FNDC3B: variants seen among roughly 807,000 people sequenced by gnomAD.
FNDC3B encodes the protein fibronectin type III domain-containing protein 3B.
FNDC3B carries 12 observed loss-of-function variants against 151.5 expected under a neutral mutation model. The observed-to-expected ratio is 0.08, with a 90% CI of 0.05 to 0.13. The LOEUF is 0.13. FNDC3B is among the 10% of genes least tolerant of loss of function. The pLI is 1.00. For missense variants in FNDC3B, 1,214 were observed against 1,505.3 expected (o/e 0.81, Z 3.20); for synonymous variants, 528 against 549.0 (o/e 0.96, Z 0.54).
At chr3:172,128,476 A>G (rs1295132847) in intron 2 of FNDC3B, among the ~76,000 whole-genome samples, 5 of 152,098 alleles carry the variant, frequency 3.3e-5, no homozygotes, top group African/African-American at 4.8e-5. Context: ...TCTATGGCAC[A>G]CAGACTGGGG....
Position 172,075,724 on chromosome 3 carries a change from AACACACACACACACAC to A in FNDC3B, c.-29+35981_-29+35996del, listed in dbSNP as rs57920659. ...ACATATTTTACATTGTAGCCCAGTA[AACACACACACACACAC>A]ACACACACACACACACACACACACA... is the stretch of plus-strand genomic sequence containing the variant. On this transcript the variant is annotated intron_variant, in intron 1 of 25. Transcript: ENST00000415807. Among the ~76,000 whole-genome samples, 267 of 146,956 alleles carry A rather than the reference AACACACACACACACAC, an allele frequency of 1.8e-3. 1 individual carries two copies. Among genetic ancestry groups the A allele is most frequent in the African/African-American group, 6.4e-3 (252 of 39,676 alleles).
At chr3:172,322,935 A>G (rs1400730378) in intron 11 of FNDC3B, among the ~76,000 whole-genome samples, 5 of 152,170 alleles carry the variant, frequency 3.3e-5, no homozygotes, top group Non-Finnish European at 7.3e-5. Context: ...GTTTATCTCC[A>G]GTTAATGTCT....
chr3:172,325,807 C>A (rs1257281760), intron 11 of FNDC3B, among the ~76,000 whole-genome samples: 1 of 152,116 alleles, frequency 6.6e-6, no homozygotes, highest in Non-Finnish European at 1.5e-5. Context: ...TAATTTTTTT[C>A]TTTCCAGATA....
intron 2 of FNDC3B, among the ~76,000 whole-genome samples, chr3:172,116,858 G>T (rs547805460): frequency 1.2e-4 from 18 of 152,168 alleles, no homozygotes; most frequent in African/African-American, 4.3e-4. Flanking sequence ...GAGCCACCAC[G>T]CCCGGTTCAC....
rs74966143 is a variant in FNDC3B, at chr3:172,312,006, G to A, written c.1254+1125G>A. Among the ~76,000 whole-genome samples, 1,273 of 152,304 alleles carry A rather than the reference G, an allele frequency of 8.4e-3. 20 individuals are homozygous for A. The highest frequency in any genetic ancestry group is 0.028 in the African/African-American group (1,184 of 41,556). On this transcript the variant is annotated intron_variant, in intron 11 of 25. Transcript: ENST00000415807. Reference sequence around the variant, plus strand: ...GCTAAGGATTTTAAGAATAAGAAATGTGGAATTTGGGGAGAAATGCAAGTT... The same window carrying A: ...GCTAAGGATTTTAAGAATAAGAAATATGGAATTTGGGGAGAAATGCAAGTT...
intron 1 of FNDC3B, among the ~76,000 whole-genome samples, chr3:172,054,540 C>G (rs951664577): frequency 6.6e-6 from 1 of 152,184 alleles, no homozygotes; most frequent in African/African-American, 2.4e-5. Flanking sequence ...GCCCCCAAGG[C>G]TGTATTGCCT....
intron 6 of FNDC3B, among the ~76,000 whole-genome samples, chr3:172,268,119 G>A (rs1576855832): frequency 6.6e-6 from 1 of 152,196 alleles, no homozygotes; most frequent in South Asian, 2.1e-4. Flanking sequence ...AGACATAGAA[G>A]ATTTTAACTA....
At chr3:172,238,082 T>A (rs1018712502) in intron 4 of FNDC3B, among the ~76,000 whole-genome samples, 2 of 152,220 alleles carry the variant, frequency 1.3e-5, no homozygotes, top group African/African-American at 4.8e-5. Context: ...AAAAGTAGTT[T>A]GATGTTTTCA....
At chr3:172,164,210 C>T (rs921080014) in intron 3 of FNDC3B, among the ~76,000 whole-genome samples, 1 of 152,114 alleles carries the variant, frequency 6.6e-6, no homozygotes, top group Non-Finnish European at 1.5e-5. Flanking sequence ...TTTTATCTGG[C>T]CTTACACATT....
At chr3:172,146,490 G>T (rs1353037084) in intron 3 of FNDC3B, among the ~76,000 whole-genome samples, 1 of 152,184 alleles carries the variant, frequency 6.6e-6, no homozygotes, top group Non-Finnish European at 1.5e-5. Context: ...GGAATTGTCA[G>T]ATTGTAAGGG....
At chr3:172,348,048 T>C (rs1365540554) in intron 21 of FNDC3B, among the ~76,000 whole-genome samples, 1 of 152,252 alleles carries the variant, frequency 6.6e-6, no homozygotes, top group Non-Finnish European at 1.5e-5. Context: ...CCTCTTTCCA[T>C]TTGTTCAGTA....
At chr3:172,269,733 C>T (rs1729102179) in intron 6 of FNDC3B, among the ~76,000 whole-genome samples, 1 of 152,130 alleles carries the variant, frequency 6.6e-6, no homozygotes, top group Non-Finnish European at 1.5e-5. Context: ...CAACCTCCAC[C>T]TCTCGGGTTC....
intron 15 of FNDC3B, among the ~76,000 whole-genome samples, chr3:172,336,835 A>G (rs1484666724): frequency 2.0e-5 from 3 of 151,804 alleles, no homozygotes; most frequent in African/African-American, 4.8e-5. Context: ...CCCAGGAGGC[A>G]GAGGTTGCCG....
rs184979175 is a variant in FNDC3B, at chr3:172,060,158, T to A, written c.-29+20387T>A. On this transcript the variant is annotated intron_variant, in intron 1 of 25. Coordinates refer to ENST00000415807, the MANE Select transcript of FNDC3B (RefSeq NM_022763.4). ...AACCCTCATAGTCAGTGGGGCCCAT[T>A]GACAATTCTCAAATACTATCTTTTA... Among the ~76,000 whole-genome samples, 11 of 152,348 alleles carry A rather than the reference T, an allele frequency of 7.2e-5. No homozygotes were observed. The East Asian group carries it at 2.1e-3, about 29-fold the overall frequency.
intron 1 of FNDC3B, among the ~76,000 whole-genome samples, chr3:172,088,589 C>T (rs1718664763): frequency 6.6e-6 from 1 of 152,166 alleles, no homozygotes; most frequent in Non-Finnish European, 1.5e-5. Flanking sequence ...ATGTTTTGTA[C>T]ATAGCTATTA....
intron 3 of FNDC3B, among the ~76,000 whole-genome samples, chr3:172,188,063 T>C (rs930490387): frequency 6.6e-6 from 1 of 151,180 alleles, no homozygotes; most frequent in Non-Finnish European, 1.5e-5. Flanking sequence ...TGGCGCGATC[T>C]CGGCTCACTG....
intron 6 of FNDC3B, among the ~76,000 whole-genome samples, chr3:172,257,699 C>G (rs1451963320): frequency 6.6e-6 from 1 of 152,082 alleles, no homozygotes; most frequent in African/African-American, 2.4e-5. Flanking sequence ...TCCCAGGGAT[C>G]CAGCCCTCAC....
rs1728633109 is a variant in FNDC3B at position 172,261,260 on chromosome 3, T to A, written c.790+9719T>A. On this transcript the variant is annotated intron_variant, in intron 6 of 25. Transcript: ENST00000415807. ...CAGGTATGTCGAGGTGGAAACCATT[T>A]CTGTTAATACCTTATCTGAAAGAGT... Among the ~76,000 whole-genome samples, 4 of 152,296 alleles carry A rather than the reference T, an allele frequency of 2.6e-5. No homozygotes were observed. The South Asian group carries it at 8.3e-4, about 32-fold the overall frequency.
At chr3:172,153,845 G>C (rs1193145397) in intron 3 of FNDC3B, among the ~76,000 whole-genome samples, 2 of 152,166 alleles carry the variant, frequency 1.3e-5, no homozygotes, top group African/African-American at 4.8e-5. Context: ...TGCACAGGTT[G>C]GTGGCGATGT....
Sources: allele counts gnomAD v4.1 joint callset (sites outside exome capture counted in the v4.1 genomes callset), GRCh38; gene constraint gnomAD v4.1.1; transcripts MANE v1.5; gene names NCBI Gene and HGNC (gene_info 2026-07-23, HGNC 2026-07-21).